NRG1: variants seen among roughly 807,000 people sequenced by gnomAD.
The protein encoded by NRG1 is pro-neuregulin-1, membrane-bound isoform.
NRG1 carries 18 observed loss-of-function variants against 63.8 expected under a neutral mutation model. The observed-to-expected ratio is 0.28, with a 90% CI of 0.19 to 0.42. The LOEUF (loss-of-function observed/expected upper bound fraction) is 0.42, where lower values mean the gene tolerates loss of function less well. Among genes scored for constraint, NRG1 ranks in the 10% least tolerant of loss-of-function variants. The probability of loss-of-function intolerance (pLI) is 1.00; values close to 1 mark genes in which losing one functional copy is unlikely to be tolerated. For missense variants in NRG1, 762 were observed against 814.7 expected (o/e 0.94, Z 0.79); for synonymous variants, 302 against 301.3 (o/e 1.00, Z -0.02).
At chr8:32,487,150 TAA>T (rs5890654) in intron 1 of NRG1, among the ~76,000 whole-genome samples, 2,531 of 143,736 alleles carry the variant, frequency 0.018, 53 homozygotes, top group African/African-American at 0.048. Flanking sequence ...CCACTATTGA[TAA>T]AAAAAAAAAA....
At position 32,609,561 on chromosome 8, in the gene NRG1, T is replaced by TC. The variant is rs1283679167; in HGVS notation, c.400+3880dup. 4.7e-3 allele frequency among the ~76,000 whole-genome samples: 187 copies of TC among 40,132 alleles called. 3 individuals carry two copies. The highest frequency in any genetic ancestry group is 0.021 in the African/African-American group (177 of 8,474). 26.3% of individuals were successfully genotyped at this position (40,132 alleles called of 152,430 possible). ...GAATTTCCTTCCCTCCCTCCTTCCT[T>TC]CCTTCCTTCCTTCCTTCCTTCCTTC... is the stretch of plus-strand genomic sequence containing the variant. On this transcript the variant is annotated intron_variant, in intron 3 of 11. Coordinates refer to ENST00000356819, the Ensembl canonical transcript of NRG1.
At chr8:32,500,408 G>A (rs990927660) in intron 1 of NRG1, among the ~76,000 whole-genome samples, 6 of 152,178 alleles carry the variant, frequency 3.9e-5, no homozygotes, top group African/African-American at 1.4e-4. Flanking sequence ...GGCTAGGAAC[G>A]CTATAAACCA....
intron 1 of NRG1, among the ~76,000 whole-genome samples, chr8:32,532,651 G>A (rs1831568133): frequency 6.6e-6 from 1 of 151,932 alleles, no homozygotes; most frequent in African/African-American, 2.4e-5. Flanking sequence ...TTTCAGTCAA[G>A]TATTTCTTTA....
intron 1 of NRG1, among the ~76,000 whole-genome samples, chr8:32,383,051 G>A (rs996700216): frequency 6.8e-6 from 1 of 147,946 alleles, no homozygotes; most frequent in Non-Finnish European, 1.5e-5. Context: ...GCAAGATTTC[G>A]TCCCTACTAA....
At chr8:32,284,496 TTCC>T (rs1853279039) in intron 1 of NRG1, among the ~76,000 whole-genome samples, 2 of 119,606 alleles carry the variant, frequency 1.7e-5, no homozygotes, top group Admixed American at 1.7e-4. Flanking sequence ...CCTGCCTTCC[TTCC>T]TTCCTTCCTT....
chr8:32,163,873 G>A (rs2131939197), intron 1 of NRG1, among the ~76,000 whole-genome samples: 1 of 152,228 alleles, frequency 6.6e-6, no homozygotes, highest in South Asian at 2.1e-4. Flanking sequence ...TAAATTGCAG[G>A]CTTGGGTTTC....
At chr8:32,197,958 G>GCACA (rs1563899104) in intron 1 of NRG1, among the ~76,000 whole-genome samples, 2 of 151,410 alleles carry the variant, frequency 1.3e-5, no homozygotes. Flanking sequence ...AAGCGCATGT[G>GCACA]CACACACACG....
intron 1 of NRG1, among the ~76,000 whole-genome samples, chr8:31,841,700 A>T (rs77260065): frequency 0.012 from 1,779 of 152,302 alleles, 39 homozygotes; most frequent in African/African-American, 0.041. Flanking sequence ...TACCCCTATA[A>T]CTTCAGGTAC....
intron 1 of NRG1, among the ~76,000 whole-genome samples, chr8:31,737,001 C>T (rs543154830): frequency 6.6e-6 from 1 of 152,212 alleles, no homozygotes; most frequent in Admixed American, 6.5e-5. Flanking sequence ...TGCCTCTTTC[C>T]AGTCGCAGAC....
chr8:31,784,994 C>A (rs1055833362), intron 1 of NRG1, among the ~76,000 whole-genome samples: 18 of 152,136 alleles, frequency 1.2e-4, no homozygotes, highest in African/African-American at 4.3e-4. Flanking sequence ...ATTGCTAAAT[C>A]TTTACAGAGA....
At chr8:32,361,279 T>C (rs890174343) in intron 1 of NRG1, among the ~76,000 whole-genome samples, 4 of 152,086 alleles carry the variant, frequency 2.6e-5, no homozygotes, top group African/African-American at 9.7e-5. Context: ...AGAATGTGTG[T>C]TTGGCATTTC....
downstream of NRG1, among the ~76,000 whole-genome samples, chr8:32,771,060 A>T (rs1223553657): frequency 6.6e-6 from 1 of 152,152 alleles, no homozygotes; most frequent in Non-Finnish European, 1.5e-5. Context: ...TGAGAAACAT[A>T]TCACCAAATA....
At chr8:32,028,622 C>T (rs1212031656) in intron 1 of NRG1, among the ~76,000 whole-genome samples, 2 of 151,972 alleles carry the variant, frequency 1.3e-5, no homozygotes, top group African/African-American at 4.8e-5. Flanking sequence ...AAATGTCTTG[C>T]TAAAATAAAT....
At chr8:32,272,276 A>G (rs898806039) in intron 1 of NRG1, among the ~76,000 whole-genome samples, 1 of 152,144 alleles carries the variant, frequency 6.6e-6, no homozygotes, top group Admixed American at 6.6e-5. Context: ...CTTACTTGGC[A>G]GAGAGACAGA....
At chr8:32,593,967 G>A (rs1842941546) in intron 1 of NRG1, among the ~76,000 whole-genome samples, 1 of 151,710 alleles carries the variant, frequency 6.6e-6, no homozygotes, top group East Asian at 1.9e-4. Flanking sequence ...TACATTAAAT[G>A]GCTGCTTCTC....
intron 1 of NRG1, among the ~76,000 whole-genome samples, chr8:32,444,657 AATTATATTT>A (rs1820008896): frequency 6.6e-6 from 1 of 152,140 alleles, no homozygotes; most frequent in African/African-American, 2.4e-5. Context: ...CAGACATTTT[AATTATATTT>A]TTCTATCCAT....
intron 1 of NRG1, among the ~76,000 whole-genome samples, chr8:32,141,678 C>A (rs1233936700): frequency 7.1e-6 from 1 of 140,024 alleles, no homozygotes; most frequent in African/African-American, 2.6e-5. Context: ...ATATTCACAA[C>A]TTTTCACTAA....
intron 1 of NRG1, among the ~76,000 whole-genome samples, chr8:31,761,558 T>G (rs1053048068): frequency 1.2e-4 from 18 of 152,160 alleles, no homozygotes; most frequent in African/African-American, 4.1e-4. Flanking sequence ...TGTTTTAATT[T>G]CACTATTGTT....
chr8:31,862,032 G>A (rs1275627697), intron 1 of NRG1, among the ~76,000 whole-genome samples: 1 of 152,162 alleles, frequency 6.6e-6, no homozygotes, highest in Non-Finnish European at 1.5e-5. Context: ...TGTTATGCTG[G>A]AGTTGGGTTT....
Sources: allele counts gnomAD v4.1 joint callset (sites outside exome capture counted in the v4.1 genomes callset), GRCh38; gene constraint gnomAD v4.1.1; transcripts MANE v1.5; gene names NCBI Gene and HGNC (gene_info 2026-07-23, HGNC 2026-07-21).